Variants in SRGAP1 observed in about 807,000 individuals in gnomAD.
SRGAP1 encodes the protein SLIT-ROBO Rho GTPase activating protein 1, also known as SLIT-ROBO Rho GTPase-activating protein 1.
Under a neutral mutation model 121.9 loss-of-function variants are expected in SRGAP1, and 43 were observed. The ratio of observed to expected loss-of-function variants is 0.35; its 90% CI spans 0.28 to 0.46. The LOEUF (loss-of-function observed/expected upper bound fraction) is 0.46, where lower values mean the gene tolerates loss of function less well. SRGAP1 is among the 20% of genes least tolerant of loss of function. The pLI is 1.00. For missense variants in SRGAP1, 1,102 were observed against 1,350.9 expected, an observed-to-expected ratio of 0.82 and a Z score of 2.89; for synonymous variants, 447 against 485.4, an observed-to-expected ratio of 0.92 and a Z score of 1.04.
chr12:64,117,788 G>A (rs2036546786), intron 18 of SRGAP1, among the ~76,000 whole-genome samples: 1 of 151,994 alleles, frequency 6.6e-6, no homozygotes, highest in Admixed American at 6.6e-5. Context: ...GGCAACTACC[G>A]TTCCACCCTT....
At chr12:63,949,573 G>T (rs556235052) in intron 1 of SRGAP1, among the ~76,000 whole-genome samples, 1 of 151,560 alleles carries the variant, frequency 6.6e-6, no homozygotes, top group Admixed American at 6.6e-5. Flanking sequence ...GACTACAGGC[G>T]CCTGCCACCA....
At chr12:64,061,804 C>T (rs2035454107) in intron 6 of SRGAP1, among the ~76,000 whole-genome samples, 1 of 152,142 alleles carries the variant, frequency 6.6e-6, no homozygotes, top group Admixed American at 6.5e-5. Context: ...TCTTTTGTGA[C>T]TTGCTTCTTT....
intron 1 of SRGAP1, among the ~76,000 whole-genome samples, chr12:63,917,760 T>C (rs1406702657): frequency 6.6e-6 from 1 of 150,522 alleles, no homozygotes; most frequent in East Asian, 2.0e-4. Context: ...ATGAACCTGC[T>C]TTCTGTAATT....
chr12:63,994,559 G>A lies in SRGAP1; in HGVS notation c.426+4487G>A, dbSNP rs76335123. The stretch of plus-strand genomic sequence containing the variant: ...CAAATCCCCCACAGCCATTTCACAT[G>A]GAGCGCCTTACCTTTGAGGCTGAAT... On this transcript the variant is annotated intron_variant, in intron 3 of 21. Coordinates refer to ENST00000355086, the MANE Select transcript of SRGAP1 (RefSeq NM_020762.4). Among the ~76,000 whole-genome samples, 1,166 of 152,240 alleles carry A rather than the reference G, an allele frequency of 7.7e-3. 14 individuals carry two copies. The highest frequency in any genetic ancestry group is 0.026 in the African/African-American group (1,092 of 41,540).
intron 10 of SRGAP1, among the ~76,000 whole-genome samples, chr12:64,086,288 A>G (rs543196014): frequency 2.0e-5 from 3 of 152,362 alleles, no homozygotes; most frequent in African/African-American, 7.2e-5. Context: ...CGATAAACAC[A>G]TGCAAACTTG....
intron 1 of SRGAP1, among the ~76,000 whole-genome samples, chr12:63,946,293 C>CT (rs77103965): frequency 0.063 from 8,629 of 136,672 alleles, 319 homozygotes; most frequent in African/African-American, 0.12. Context: ...CTTTTTTTTT[C>CT]TTTTTTTTTT....
intron 1 of SRGAP1, among the ~76,000 whole-genome samples, chr12:63,865,559 T>G (rs1300081592): frequency 6.6e-6 from 1 of 152,202 alleles, no homozygotes; most frequent in Non-Finnish European, 1.5e-5. Context: ...GTGGAAGTGT[T>G]TTCCCTGCAA....
At chr12:63,921,205 C>T (rs1038907583) in intron 1 of SRGAP1, among the ~76,000 whole-genome samples, 6 of 152,208 alleles carry the variant, frequency 3.9e-5, no homozygotes, top group South Asian at 2.1e-4. Context: ...CCATCTCCAT[C>T]GTGATCACTC....
At chr12:64,087,224 G>T (rs540626041) in intron 11 of SRGAP1, among the ~76,000 whole-genome samples, 198 bp downstream of exon 11, 2 of 152,078 alleles carry the variant, frequency 1.3e-5, no homozygotes, top group South Asian at 4.2e-4. Context: ...TTTCCCTCTG[G>T]AATTGTAAAG....
Position 63,896,234 on chromosome 12 carries a change from A to T in SRGAP1, c.67+51351A>T, listed in dbSNP as rs78775738. 4.8e-4 allele frequency among the ~76,000 whole-genome samples: 73 copies of T among 152,324 alleles called. No individual in the cohort carries two copies. In the East Asian group the frequency reaches 0.012, roughly 26 times the overall value. On this transcript the variant is annotated intron_variant, in intron 1 of 21. Transcript: ENST00000355086. Reference sequence around the variant, plus strand: ...GTGGCTAGAACTTAGTAAGTTCCTTATAAATTATTCTTGTTAATAATAATA... The same window carrying T: ...GTGGCTAGAACTTAGTAAGTTCCTTTTAAATTATTCTTGTTAATAATAATA...
chr12:64,083,963 A>T (rs2035893932), intron 10 of SRGAP1, among the ~76,000 whole-genome samples: 1 of 152,208 alleles, frequency 6.6e-6, no homozygotes, highest in Non-Finnish European at 1.5e-5. Context: ...AGGGAAGCTG[A>T]ATGTGAGTAA....
chr12:63,913,865 A>T (rs986450937), intron 1 of SRGAP1, among the ~76,000 whole-genome samples: 2 of 151,052 alleles, frequency 1.3e-5, no homozygotes, highest in South Asian at 2.1e-4. Context: ...CTTAATTTTT[A>T]TTTTTTTTTC....
intron 4 of SRGAP1, among the ~76,000 whole-genome samples, chr12:64,030,124 C>G (rs978978045): frequency 6.6e-5 from 10 of 152,016 alleles, no homozygotes; most frequent in African/African-American, 2.2e-4. Context: ...TAGTATAACA[C>G]CAAATTGATA....
intron 2 of SRGAP1, among the ~76,000 whole-genome samples, chr12:63,987,373 T>A (rs1156962415): frequency 1.3e-5 from 2 of 152,178 alleles, no homozygotes; most frequent in Non-Finnish European, 2.9e-5. Flanking sequence ...AGACACTAGC[T>A]TTGGTCTTTA....
At chr12:63,986,628 G>A (rs2033423171) in intron 2 of SRGAP1, among the ~76,000 whole-genome samples, 1 of 152,138 alleles carries the variant, frequency 6.6e-6, no homozygotes, top group Admixed American at 6.5e-5. Context: ...TTGCCATGCT[G>A]GCTAGGCTGG....
intron 3 of SRGAP1, among the ~76,000 whole-genome samples, chr12:64,000,883 G>T (rs568774263): frequency 1.3e-5 from 2 of 152,258 alleles, no homozygotes; most frequent in South Asian, 4.2e-4. Flanking sequence ...AGAAAGAATG[G>T]TCTATTGGGA....
At chr12:64,113,399 T>G (rs1460566092) in intron 17 of SRGAP1, among the ~76,000 whole-genome samples, 2 of 152,016 alleles carry the variant, frequency 1.3e-5, no homozygotes, top group Non-Finnish European at 2.9e-5. Flanking sequence ...CAGAGCAAGA[T>G]TCTGTCTCAA....
At chr12:64,120,524 G>A (rs574961914) in intron 18 of SRGAP1, 5 of 152,204 alleles carry the variant, frequency 3.3e-5, no homozygotes, top group Non-Finnish European at 7.3e-5. Flanking sequence ...GGGCAGGGGA[G>A]ATGGTTACAA....
At chr12:63,931,338 G>A (rs1040188570) in intron 1 of SRGAP1, among the ~76,000 whole-genome samples, 5 of 152,138 alleles carry the variant, frequency 3.3e-5, no homozygotes, top group African/African-American at 1.2e-4. Context: ...TTTATTTTGA[G>A]CAAAAGAAGG....
Sources: gnomAD v4.1 joint callset for allele counts (sites outside exome capture counted in the v4.1 genomes callset) on GRCh38, gnomAD v4.1.1 for gene constraint, MANE v1.5 for transcripts, NCBI Gene and HGNC (gene_info 2026-07-23, HGNC 2026-07-21) for gene names.